Variants in CCNJL observed in about 807,000 individuals in gnomAD.
The protein encoded by CCNJL is cyclin J like, also known as cyclin-J-like protein.
Under a neutral mutation model 33.4 loss-of-function variants are expected in CCNJL, and 33 were observed. The ratio of observed to expected loss-of-function variants is 0.99; its 90% CI spans 0.75 to 1.32. CCNJL has a LOEUF of 1.32. CCNJL is among the 40% of genes most tolerant of loss of function. CCNJL has a pLI of 0.00. For synonymous variants in CCNJL, 227 were observed against 220.9 expected (o/e 1.03, Z -0.24); for missense variants, 512 against 499.7 (o/e 1.02, Z -0.23).
intron 1 of CCNJL, among the ~76,000 whole-genome samples, chr5:160,338,249 A>C (rs1262153922): frequency 1.3e-5 from 2 of 151,942 alleles, no homozygotes; most frequent in African/African-American, 4.8e-5. Flanking sequence ...AACACAAAAA[A>C]GCTAACTGGG....
intron 2 of CCNJL, among the ~76,000 whole-genome samples, chr5:160,303,390 G>C (rs1474598972): frequency 6.6e-6 from 1 of 151,988 alleles, no homozygotes; most frequent in Non-Finnish European, 1.5e-5. Context: ...AGTTTTAGTA[G>C]AGACAGGGTT....
At chr5:160,269,309 T>A (rs1166321944) in intron 3 of CCNJL, 13 of 426,178 alleles carry the variant, frequency 3.1e-5, no homozygotes, top group East Asian at 7.1e-5. Context: ...AAGCAGGGCC[T>A]GCGGGGTGGG....
At chr5:160,259,900 G>A (rs776538006) in intron 3 of CCNJL, 129 bp from the exon 4 acceptor site, 208 of 718,162 alleles carry the variant, frequency 2.9e-4, no homozygotes, top group Admixed American at 7.9e-4. Flanking sequence ...CCAGACTGCG[G>A]AGGAATAGGA....
chr5:160,334,421 T>C (rs73819835), intron 1 of CCNJL, among the ~76,000 whole-genome samples: 4,168 of 152,282 alleles, frequency 0.027, 184 homozygotes, highest in African/African-American at 0.094. Context: ...TGGCCTCACT[T>C]TAAATCAATC....
intron 1 of CCNJL, among the ~76,000 whole-genome samples, chr5:160,336,562 G>C (rs566783898): frequency 2.0e-5 from 3 of 152,208 alleles, no homozygotes; most frequent in African/African-American, 4.8e-5. Context: ...AGAACTGTGG[G>C]AGAATCCATT....
intron 3 of CCNJL, chr5:160,276,199 A>G (rs1762002377): frequency 6.6e-6 from 1 of 151,768 alleles, no homozygotes; most frequent in Non-Finnish European, 1.5e-5. Flanking sequence ...GTTCGAGACT[A>G]ACCTGGCCAA....
chr5:160,293,450 T>C (rs527362882), intron 2 of CCNJL, among the ~76,000 whole-genome samples: 4 of 152,288 alleles, frequency 2.6e-5, no homozygotes, highest in Admixed American at 2.6e-4. Context: ...ATTTAACTGA[T>C]TATAAAATAC....
In CCNJL at chr5:160,258,568, G is replaced by C. The variant is rs567474610; in HGVS notation, c.583+901C>G. Reference sequence around the variant, plus strand: ...GGTTATTCGGGAAAGAAAAGAAAGAGCAGAATGGGCAAAGAGGTAATCATG... The same window carrying C: ...GGTTATTCGGGAAAGAAAAGAAAGACCAGAATGGGCAAAGAGGTAATCATG... On this transcript the variant is annotated intron_variant, in intron 4 of 5. Transcript: ENST00000257536. 3.0e-5 allele frequency: 45 copies of C among 1,505,770 alleles called. No homozygotes were observed. In the African/African-American group the frequency reaches 5.2e-4, roughly 18 times the overall value. The allele number at this position is 1,505,770 out of a possible 1,614,324, so 93.3% of individuals were successfully genotyped here. A position where few individuals can be genotyped will look rare whatever the true frequency, so the allele number is the denominator to read the frequency against.
At chr5:160,268,513 TCA>T (rs1169539448) in intron 3 of CCNJL, among the ~76,000 whole-genome samples, 2 of 152,230 alleles carry the variant, frequency 1.3e-5, no homozygotes. Flanking sequence ...GTAATGACAG[TCA>T]CAGCTACAAT....
At chr5:160,282,966 A>AATATATATATATATATATAT (rs70990720) in intron 2 of CCNJL, among the ~76,000 whole-genome samples, 18 of 43,376 alleles carry the variant, frequency 4.1e-4, no homozygotes, top group Non-Finnish European at 5.7e-4. Context: ...CAGTCCTTGG[A>AATATATATATATATATATAT]ATATATATAT....
chr5:160,284,164 C>G (rs2113368223), intron 2 of CCNJL, among the ~76,000 whole-genome samples: 1 of 152,038 alleles, frequency 6.6e-6, no homozygotes, highest in African/African-American at 2.4e-5. Flanking sequence ...CTAGCCTGGG[C>G]AACATGGCAA....
chr5:160,332,857 T>C (rs1413347890), intron 1 of CCNJL, among the ~76,000 whole-genome samples: 2 of 152,222 alleles, frequency 1.3e-5, no homozygotes, highest in African/African-American at 4.8e-5. Flanking sequence ...TCTTGTTTAC[T>C]CTCTGTCTCC....
chr5:160,327,168 A>G (rs1297634459), intron 1 of CCNJL, among the ~76,000 whole-genome samples: 1 of 151,868 alleles, frequency 6.6e-6, no homozygotes, highest in East Asian at 1.9e-4. Flanking sequence ...CTGGACTCAT[A>G]CTCCAGCTGT....
intron 5 of CCNJL, 120 bp from the exon 6 acceptor site, chr5:160,253,918 C>A: frequency 4.3e-6 from 3 of 699,994 alleles, no homozygotes; most frequent in Non-Finnish European, 6.7e-6. Context: ...GTCCACCAGG[C>A]CTTACCTGGC....
intron 1 of CCNJL, among the ~76,000 whole-genome samples, chr5:160,326,519 C>A (rs1351857884): frequency 2.0e-5 from 3 of 146,442 alleles, no homozygotes; most frequent in African/African-American, 7.6e-5. Flanking sequence ...AGCCATTATG[C>A]CATAAAGGCA....
intron 4 of CCNJL, among the ~76,000 whole-genome samples, chr5:160,257,304 A>G (rs951969542): frequency 2.7e-5 from 4 of 150,890 alleles, no homozygotes; most frequent in African/African-American, 9.8e-5. Flanking sequence ...TGAAACCCCA[A>G]CTCTACTAAA....
At chr5:160,326,909 T>C in intron 1 of CCNJL, 1 of 667,666 alleles carries the variant, frequency 1.5e-6, no homozygotes, top group Non-Finnish European at 2.9e-6. Flanking sequence ...AAGTCATGAA[T>C]ACGACCGAGT....
At position 160,259,586 on chromosome 5, in the gene CCNJL, A is replaced by G; in HGVS notation, c.466T>C (p.Leu156=). ...TPAHFLDYYL[L]ASVSQKDHHC... ...TGGTCCTTCTGGCTGACGGAGGCCA[A>G]GAGGTAGTAGTCCAGGAAGTGGGCA... The change falls in exon 4 of 6, where the codon TTG becomes CTG. Residue 156 remains leucine (L), a synonymous_variant. Coordinates refer to ENST00000257536, the MANE Select transcript of CCNJL (RefSeq NM_001308173.3). The G allele has an allele frequency of 6.2e-7, 1 of 1,614,174 alleles. No homozygotes were observed.
chr5:160,263,269 T>G (rs1022113818), intron 3 of CCNJL, among the ~76,000 whole-genome samples: 3 of 152,222 alleles, frequency 2.0e-5, no homozygotes, highest in Admixed American at 6.5e-5. Context: ...TCCTACAAAT[T>G]GTAATGTTAT....
Sources: allele counts gnomAD v4.1 joint callset (sites outside exome capture counted in the v4.1 genomes callset), GRCh38; gene constraint gnomAD v4.1.1; transcripts MANE v1.5; gene names NCBI Gene and HGNC (gene_info 2026-07-23, HGNC 2026-07-21).